DENND1A: variants seen among roughly 807,000 people sequenced by gnomAD.
DENND1A encodes the protein DENN domain containing 1A.
In DENND1A, 51 loss-of-function variants were observed where a neutral mutation model predicts 113.7. That is an observed-to-expected ratio of 0.45 (90% CI 0.36 to 0.57). The LOEUF (loss-of-function observed/expected upper bound fraction) is 0.57, where lower values mean the gene tolerates loss of function less well. Ranked by LOEUF, DENND1A falls within the 20% of genes least tolerant of loss-of-function variation. The pLI, the probability that DENND1A is intolerant of heterozygous loss-of-function variation, is 0.00. For synonymous variants in DENND1A, 565 were observed against 570.8 expected (o/e 0.99, Z 0.14); for missense variants, 1,258 against 1,395.9 (o/e 0.90, Z 1.57).
intron 13 of DENND1A, among the ~76,000 whole-genome samples, chr9:123,511,627 G>GA (rs956128537): frequency 1.1e-4 from 17 of 152,330 alleles, no homozygotes; most frequent in African/African-American, 3.4e-4. Flanking sequence ...CTGAATGCCA[G>GA]AAAAAATCAT....
At chr9:123,708,913 G>C (rs759745577) in intron 5 of DENND1A, among the ~76,000 whole-genome samples, 1 of 152,156 alleles carries the variant, frequency 6.6e-6, no homozygotes, top group Non-Finnish European at 1.5e-5. Flanking sequence ...TTACTGTTAT[G>C]TATGATACAC....
chr9:123,813,904 C>G (rs1461041387), intron 2 of DENND1A, among the ~76,000 whole-genome samples: 3 of 152,156 alleles, frequency 2.0e-5, no homozygotes, highest in Non-Finnish European at 2.9e-5. Context: ...CTTAGGAAGA[C>G]GCTTATCTCA....
chr9:123,616,887 C>T (rs1364448675), intron 10 of DENND1A, among the ~76,000 whole-genome samples: 3 of 152,244 alleles, frequency 2.0e-5, no homozygotes, highest in Non-Finnish European at 2.9e-5. Flanking sequence ...ATGTGAAGCT[C>T]ACAGTTAATG....
Position 123,757,714 on chromosome 9 carries a change from G to A in DENND1A, c.291C>T (p.Phe97=), listed in dbSNP as rs767546633. ...GCCTTCTCCCTTACCTTAAGATACAGAAGCAGCTCTTCGCTCCTGAAGATA... is the reference window on the plus strand; with the variant it reads ...GCCTTCTCCCTTACCTTAAGATACAAAAGCAGCTCTTCGCTCCTGAAGATA... ...CRLSSGAKSC[F]CILSYLPWFE... The change falls in exon 5 of 24, where the codon TTC becomes TTT. Residue 97 remains phenylalanine (F), a synonymous_variant. Transcript: ENST00000394215. 1.2e-6 allele frequency: 2 copies of A among 1,613,982 alleles called. No individual in the cohort carries two copies. Among genetic ancestry groups the A allele is most frequent in the South Asian group, 1.1e-5 (1 of 91,076 alleles).
chr9:123,710,534 A>AACACACACACACAC (rs59599155), intron 5 of DENND1A, among the ~76,000 whole-genome samples: 1 of 116,698 alleles, frequency 8.6e-6, no homozygotes, highest in African/African-American at 3.1e-5. Context: ...AGCCTCATTA[A>AACACACACACACAC]ACACACACAC....
chr9:123,886,855 CACTTA>C (rs1198691495), intron 1 of DENND1A, among the ~76,000 whole-genome samples: 4 of 152,186 alleles, frequency 2.6e-5, no homozygotes, highest in South Asian at 2.1e-4. Context: ...TTCAAGACTA[CACTTA>C]ACTTCATTTC....
rs749809015 is a variant in DENND1A, at chr9:123,382,035, G to A, written c.2610C>T (p.Thr870=). The stretch of plus-strand genomic sequence containing the variant: ...GGAAGCTGAATTGGGGGGTGAATGG[G>A]GTGGCTACATTCGGGGTGGCGGGGC... The part of the protein sequence containing the change: ...PSRPATPNVA[T]PFTPQFSFPP... Residue 870 remains threonine (T), a synonymous_variant, in exon 24 of 24, where the codon ACC becomes ACT. Transcript: ENST00000394215. 3 of 1,491,676 alleles carry A rather than the reference G, an allele frequency of 2.0e-6. No individual in the cohort carries two copies. The South Asian group carries it at 4.2e-5, about 21-fold the overall frequency. The allele number at this position is 1,491,676 out of a possible 1,614,324, so 92.4% of individuals were successfully genotyped here. A position where few individuals can be genotyped will look rare whatever the true frequency, so the allele number is the denominator to read the frequency against.
chr9:123,660,173 A>C lies in DENND1A; in HGVS notation c.507+6853T>G, dbSNP rs374944744. 1.6e-4 allele frequency among the ~76,000 whole-genome samples: 25 copies of C among 152,240 alleles called. No individual in the cohort carries two copies. The East Asian group carries it at 2.1e-3, about 13-fold the overall frequency. ...TGTGAGCTCTGGGCTCCCTGTCTAA[A>C]ACGGGGCTCAGGTCTACCCCTTTCG... On this transcript the variant is annotated intron_variant, in intron 8 of 23. Transcript: ENST00000394215.
chr9:123,676,651 T>C (rs2064093702), intron 6 of DENND1A, 69 bp downstream of exon 6: 2 of 1,457,280 alleles, frequency 1.4e-6, no homozygotes, highest in African/African-American at 1.4e-5. Flanking sequence ...ATATAAGGCA[T>C]GTTTTACTTT....
At chr9:123,610,117 G>C (rs796281924) in intron 10 of DENND1A, among the ~76,000 whole-genome samples, 6 of 152,172 alleles carry the variant, frequency 3.9e-5, no homozygotes, top group African/African-American at 1.2e-4. Flanking sequence ...ACGGAGCCAC[G>C]GGTTGCCTAA....
intron 1 of DENND1A, chr9:123,928,527 C>CT: frequency 3.1e-6 from 3 of 982,600 alleles, no homozygotes; most frequent in African/African-American, 1.7e-5. Context: ...ATGCTTCTAA[C>CT]TTTTTTCTCA....
chr9:123,397,737 G>C (rs1466523936), intron 21 of DENND1A, among the ~76,000 whole-genome samples: 1 of 152,208 alleles, frequency 6.6e-6, no homozygotes. Flanking sequence ...GATTCAGAAT[G>C]AATTTGTCTC....
At chr9:123,909,702 T>G (rs1007362924) in intron 1 of DENND1A, among the ~76,000 whole-genome samples, 7 of 151,960 alleles carry the variant, frequency 4.6e-5, no homozygotes, top group South Asian at 2.1e-4. Context: ...CCCAGTGAAA[T>G]AAGGCAAGAA....
intron 19 of DENND1A, among the ~76,000 whole-genome samples, chr9:123,420,418 C>T (rs992829691): frequency 4.0e-5 from 6 of 151,546 alleles, no homozygotes; most frequent in South Asian, 4.2e-4. Context: ...GCGCCACCTG[C>T]GAGGGGGATG....
At chr9:123,485,253 C>T (rs1331167664) in intron 13 of DENND1A, among the ~76,000 whole-genome samples, 1 of 152,210 alleles carries the variant, frequency 6.6e-6, no homozygotes, top group African/African-American at 2.4e-5. Context: ...TATAAACAAG[C>T]TCCATTTCAG....
At chr9:123,849,553 T>C (rs1359443690) in intron 2 of DENND1A, among the ~76,000 whole-genome samples, 1 of 152,204 alleles carries the variant, frequency 6.6e-6, no homozygotes, top group Non-Finnish European at 1.5e-5. Context: ...ACAGCTCTGA[T>C]GGAGATATAC....
chr9:123,419,582 C>T lies in DENND1A; in HGVS notation c.1489-7753G>A, dbSNP rs142260157. 4.1e-3 allele frequency among the ~76,000 whole-genome samples: 629 copies of T among 152,326 alleles called. 1 individual carries two copies. Among genetic ancestry groups the T allele is most frequent in the Admixed American group, 0.011 (163 of 15,306 alleles). On this transcript the variant is annotated intron_variant, in intron 19 of 23. Transcript: ENST00000394215. Reference sequence around the variant, plus strand: ...CTCTGACCTATGCATGAAACAGACCCGGTTGGGAGGGAAGACAAAGCCTTC... The same window carrying T: ...CTCTGACCTATGCATGAAACAGACCTGGTTGGGAGGGAAGACAAAGCCTTC...
intron 4 of DENND1A, 44 bp from the exon 5 acceptor site, chr9:123,757,866 G>T: frequency 6.3e-7 from 1 of 1,579,954 alleles, no homozygotes; most frequent in Non-Finnish European, 8.6e-7. Flanking sequence ...TGTGCAGTAA[G>T]TTTCTTGATA....
intron 13 of DENND1A, among the ~76,000 whole-genome samples, chr9:123,520,149 A>C (rs1349370211): frequency 3.2e-5 from 4 of 126,794 alleles, no homozygotes; most frequent in East Asian, 2.1e-4. Context: ...TCCTGTCTCA[A>C]AAAAAAAAAA....
Sources: allele counts gnomAD v4.1 joint callset (sites outside exome capture counted in the v4.1 genomes callset), GRCh38; gene constraint gnomAD v4.1.1; transcripts MANE v1.5; gene names NCBI Gene and HGNC (gene_info 2026-07-23, HGNC 2026-07-21).